GABRG1: variants seen among roughly 807,000 people sequenced by gnomAD.
GABRG1 encodes the protein gamma-aminobutyric acid type A receptor subunit gamma1.
In GABRG1, 49 loss-of-function variants were observed where a neutral mutation model predicts 49.8. The ratio of observed to expected loss-of-function variants is 0.98; its 90% CI spans 0.78 to 1.25. The LOEUF is 1.25. Among genes scored for constraint, GABRG1 ranks in the 50% most tolerant of loss-of-function variants. GABRG1 has a pLI of 0.00. For missense variants in GABRG1, 552 were observed against 552.3 expected (o/e 1.00, Z 0.01); for synonymous variants, 232 against 185.1 (o/e 1.25, Z -2.06).
At chr4:46,107,896 G>C (rs1186989915) in intron 1 of GABRG1, among the ~76,000 whole-genome samples, 3 of 150,878 alleles carry the variant, frequency 2.0e-5, no homozygotes, top group Non-Finnish European at 4.5e-5. Flanking sequence ...TAAAAAGAAG[G>C]ATCAATAATA....
intron 1 of GABRG1, among the ~76,000 whole-genome samples, chr4:46,097,984 G>T: frequency 6.6e-6 from 1 of 151,604 alleles, no homozygotes; most frequent in East Asian, 2.0e-4. Context: ...ATATATTTGG[G>T]AGGAGGCATA....
chr4:46,040,142 A>G lies in GABRG1; in HGVS notation c.*846T>C, dbSNP rs1248003609. 1.3e-5 allele frequency: 2 copies of G among 151,922 alleles called. No individual in the cohort carries two copies. The highest frequency in any genetic ancestry group is 2.9e-5 in the Non-Finnish European group (2 of 67,890). The allele number at this position is 151,922 out of a possible 1,614,324, so 9.4% of individuals were successfully genotyped here. On this transcript the variant is annotated 3_prime_UTR_variant, in exon 9 of 9. Transcript: ENST00000295452. ...CACTTTCATAAAACATAAAGAAAAA[A>G]ATAATCATTTCTCTCTGCATTTAAT...
intron 1 of GABRG1, among the ~76,000 whole-genome samples, chr4:46,123,190 C>T (rs547708033): frequency 6.9e-6 from 1 of 143,982 alleles, no homozygotes; most frequent in South Asian, 2.1e-4. Flanking sequence ...TACTGATGGA[C>T]AGCCAATTTT....
At chr4:46,113,326 A>G (rs1362899990) in intron 1 of GABRG1, among the ~76,000 whole-genome samples, 1 of 151,106 alleles carries the variant, frequency 6.6e-6, no homozygotes, top group Non-Finnish European at 1.5e-5. Flanking sequence ...TCACAAGGCA[A>G]CAAGAAGGAA....
At chr4:46,072,836 G>GT (rs1286196299) in intron 3 of GABRG1, among the ~76,000 whole-genome samples, 1 of 148,982 alleles carries the variant, frequency 6.7e-6, no homozygotes, top group Admixed American at 6.6e-5. Flanking sequence ...ATAGAAGTGT[G>GT]TTTACCTGTT....
At chr4:46,103,230 T>C (rs1186376152) in intron 1 of GABRG1, among the ~76,000 whole-genome samples, 2 of 151,548 alleles carry the variant, frequency 1.3e-5, no homozygotes, top group African/African-American at 4.8e-5. Flanking sequence ...GAAATAGTGA[T>C]AGACTATTTT....
rs1218633026 is a variant in GABRG1 at position 46,040,490 on chromosome 4, G to A, written c.*498C>T. The stretch of plus-strand genomic sequence containing the variant: ...TACAATATCTTGGAAGAAAATCCAA[G>A]AAAACTATGGCTTTATGTTATCAAC... On this transcript the variant is annotated 3_prime_UTR_variant, in exon 9 of 9. Coordinates refer to ENST00000295452, the MANE Select transcript of GABRG1 (RefSeq NM_173536.4). 1 of 152,256 alleles carries A rather than the reference G, an allele frequency of 6.6e-6. No homozygotes were observed. The highest frequency in any genetic ancestry group is 2.4e-5 in the African/African-American group (1 of 41,384). The allele number at this position is 152,256 out of a possible 1,614,324, so 9.4% of individuals were successfully genotyped here.
At chr4:46,097,063 C>G (rs1720187636) in intron 2 of GABRG1, 138 bp downstream of exon 2, 1 of 740,974 alleles carries the variant, frequency 1.3e-6, no homozygotes, top group African/African-American at 1.8e-5. Context: ...AGTGACCATT[C>G]TAACCAATAA....
rs1719181337 is a variant in GABRG1, at chr4:46,072,827, T to C, written c.322-7243A>G. On this transcript the variant is annotated intron_variant, in intron 3 of 8. Coordinates refer to ENST00000295452, the MANE Select transcript of GABRG1 (RefSeq NM_173536.4). ...AATTTTTTAATTAAGTGAGATATAA[T>C]AGAAGTGTGTTTACCTGTTTTTTAA... Among the ~76,000 whole-genome samples, 5 of 149,598 alleles carry C rather than the reference T, an allele frequency of 3.3e-5. 2 individuals carry two copies. The South Asian group carries it at 1.0e-3, about 31-fold the overall frequency.
At chr4:46,122,719 T>A (rs1188716625) in intron 1 of GABRG1, among the ~76,000 whole-genome samples, 1 of 152,116 alleles carries the variant, frequency 6.6e-6, no homozygotes, top group Admixed American at 6.6e-5. Context: ...ATAATAATAA[T>A]TCATTTTAGC....
At chr4:46,058,064 T>C (rs895162602) in intron 7 of GABRG1, among the ~76,000 whole-genome samples, 153 bp downstream of exon 7, 2 of 152,144 alleles carry the variant, frequency 1.3e-5, no homozygotes, top group African/African-American at 4.8e-5. Flanking sequence ...TACATATCTC[T>C]TTCAACATGG....
chr4:46,123,803 T>C lies in GABRG1; in HGVS notation c.104+7A>G. 2 of 1,604,252 alleles carry C rather than the reference T, an allele frequency of 1.2e-6. No individual in the cohort carries two copies. The highest frequency in any genetic ancestry group is 1.7e-6 in the Non-Finnish European group (2 of 1,171,252). On this transcript the variant is annotated splice_region_variant and intron_variant, in intron 1 of 8. Coordinates refer to ENST00000295452, the MANE Select transcript of GABRG1 (RefSeq NM_173536.4). ...AAGAATAGTTTTAAACCCCTGAATT[T>C]ACTCACCAGTTTCCCAAATGCAGGG...
chr4:46,083,916 C>T (rs974446157), intron 3 of GABRG1, 70 bp downstream of exon 3: 41 of 824,142 alleles, frequency 5.0e-5, no homozygotes, highest in East Asian at 1.6e-4. Context: ...TACTCACATG[C>T]GAATTCTATT....
intron 3 of GABRG1, among the ~76,000 whole-genome samples, chr4:46,073,295 C>T (rs1719207334): frequency 6.6e-6 from 1 of 151,778 alleles, no homozygotes; most frequent in African/African-American, 2.4e-5. Context: ...CTGCTTTTCC[C>T]TCATTTTAAT....
intron 1 of GABRG1, among the ~76,000 whole-genome samples, chr4:46,104,095 G>A (rs1720461875): frequency 6.6e-6 from 1 of 151,174 alleles, no homozygotes; most frequent in Non-Finnish European, 1.5e-5. Flanking sequence ...ACTTCATTAA[G>A]GCCTCCAAGC....
Position 46,039,071 on chromosome 4 carries a change from C to A in GABRG1, c.*1917G>T, listed in dbSNP as rs1451846788. On this transcript the variant is annotated 3_prime_UTR_variant, in exon 9 of 9. Transcript: ENST00000295452. ...GCTATAGCTTCAAACATGAAAATAG[C>A]CATACAATATTTTAGTAAAGTATTT... is the stretch of plus-strand genomic sequence containing the variant. 1 of 151,368 alleles carries A rather than the reference C, an allele frequency of 6.6e-6. No homozygotes were observed. The highest frequency in any genetic ancestry group is 2.4e-5 in the African/African-American group (1 of 41,280). 9.4% of individuals were successfully genotyped at this position (151,368 alleles called of 1,614,324 possible). A position where few individuals can be genotyped will look rare whatever the true frequency, so the allele number is the denominator to read the frequency against.
At chr4:46,048,791 C>G (rs1356774645) in intron 8 of GABRG1, among the ~76,000 whole-genome samples, 1 of 151,592 alleles carries the variant, frequency 6.6e-6, no homozygotes, top group Admixed American at 6.6e-5. Flanking sequence ...CAAGCTGGCC[C>G]ATTTCATGTG....
In GABRG1 at chr4:46,051,613, T is replaced by C; in HGVS notation, c.942A>G (p.Thr314=). ...ACTTCCTGGCAATTGTACTCAGGGT[T>C]GTCATAGTCAGAACTGTAGTGATAC... ...SLGITTVLTM[T]TLSTIARKSL... is the part of the protein sequence containing the mutation. The change falls in exon 8 of 9, where the codon ACA becomes ACG. Residue 314 remains threonine (T), a synonymous_variant. Coordinates refer to ENST00000295452, the MANE Select transcript of GABRG1 (RefSeq NM_173536.4). The C allele has an allele frequency of 6.2e-7, 1 of 1,609,870 alleles. No homozygotes were observed.
At chr4:46,091,571 A>AT (rs1170460678) in intron 2 of GABRG1, among the ~76,000 whole-genome samples, 1 of 152,108 alleles carries the variant, frequency 6.6e-6, no homozygotes, top group African/African-American at 2.4e-5. Context: ...TATACCTGAA[A>AT]TTGATTTAAA....
Sources: allele counts gnomAD v4.1 joint callset (sites outside exome capture counted in the v4.1 genomes callset), GRCh38; gene constraint gnomAD v4.1.1; transcripts MANE v1.5; gene names NCBI Gene and HGNC (gene_info 2026-07-23, HGNC 2026-07-21).